The following SPIRE1 variants were observed in gnomAD, a reference collection of about 807,000 sequenced individuals.
SPIRE1 encodes the protein protein spire homolog 1.
SPIRE1 carries 40 observed loss-of-function variants against 94.1 expected under a neutral mutation model. The observed-to-expected ratio is 0.43, with a 90% CI of 0.33 to 0.55. The LOEUF (loss-of-function observed/expected upper bound fraction) is 0.55, where lower values mean the gene tolerates loss of function less well. SPIRE1 is among the 20% of genes least tolerant of loss of function. The pLI, the probability that SPIRE1 is intolerant of heterozygous loss-of-function variation, is 0.06. For synonymous variants in SPIRE1, 376 were observed against 371.7 expected (o/e 1.01, Z -0.13); for missense variants, 838 against 975.2 (o/e 0.86, Z 1.87).
chr18:12,472,914 T>C (rs541197029), intron 10 of SPIRE1, among the ~76,000 whole-genome samples: 18 of 152,160 alleles, frequency 1.2e-4, no homozygotes, highest in Non-Finnish European at 2.4e-4. Flanking sequence ...TGCCTCAGTC[T>C]CCCAAGTAGC....
At chr18:12,531,540 T>C (rs2034681639) in intron 4 of SPIRE1, among the ~76,000 whole-genome samples, 1 of 152,184 alleles carries the variant, frequency 6.6e-6, no homozygotes, top group Admixed American at 6.5e-5. Flanking sequence ...AGGATGAAAA[T>C]GCTGTTATCA....
intron 2 of SPIRE1, among the ~76,000 whole-genome samples, chr18:12,600,291 A>C (rs991943346): frequency 2.0e-5 from 3 of 152,162 alleles, no homozygotes; most frequent in African/African-American, 7.2e-5. Flanking sequence ...CCAGACTCCT[A>C]ACTAACAAAA....
intron 2 of SPIRE1, among the ~76,000 whole-genome samples, chr18:12,630,257 G>C (rs957469997): frequency 6.6e-6 from 1 of 152,166 alleles, no homozygotes; most frequent in African/African-American, 2.4e-5. Context: ...TGTAAGCCTT[G>C]CTTAAGAAGG....
intron 1 of SPIRE1, among the ~76,000 whole-genome samples, chr18:12,652,762 T>C (rs962763630): frequency 1.3e-5 from 2 of 152,260 alleles, no homozygotes; most frequent in Non-Finnish European, 2.9e-5. Flanking sequence ...AGCATATTTC[T>C]ATTTATTTCA....
intron 2 of SPIRE1, among the ~76,000 whole-genome samples, chr18:12,632,121 T>C (rs2037798747): frequency 2.0e-5 from 3 of 151,892 alleles, no homozygotes; most frequent in Admixed American, 1.3e-4. Flanking sequence ...AAAAACTCCA[T>C]GGTACGCTCT....
intron 10 of SPIRE1, among the ~76,000 whole-genome samples, chr18:12,466,591 T>G (rs1056882356): frequency 2.6e-5 from 4 of 152,214 alleles, no homozygotes; most frequent in African/African-American, 9.6e-5. Context: ...ATAGGCATTT[T>G]TAGATACAAA....
intron 8 of SPIRE1, 62 bp from the exon 9 acceptor site, chr18:12,486,062 G>A: frequency 7.1e-6 from 9 of 1,272,696 alleles, no homozygotes; most frequent in Admixed American, 5.4e-5. Flanking sequence ...TATACAGAGA[G>A]GACAAAAAAG....
chr18:12,537,684 A>G (rs914449957), intron 3 of SPIRE1, among the ~76,000 whole-genome samples: 1 of 152,226 alleles, frequency 6.6e-6, no homozygotes, highest in African/African-American at 2.4e-5. Flanking sequence ...CATGATTAAC[A>G]AACAAAATCA....
In SPIRE1 at chr18:12,514,982, A is replaced by C. The variant is rs146299704; in HGVS notation, c.730-2451T>G. On this transcript the variant is annotated intron_variant, in intron 4 of 16. Coordinates refer to ENST00000409402, the MANE Select transcript of SPIRE1 (RefSeq NM_001128626.2). The stretch of plus-strand genomic sequence containing the variant: ...CGCCTGAGAAAATCAAGTACGCATA[A>C]ATGGACCAACCTTCTAACAACCCTC... Among the ~76,000 whole-genome samples the C allele has an allele frequency of 4.6e-5, 7 of 152,276 alleles. No homozygotes were observed. In the East Asian group the frequency reaches 1.2e-3, roughly 25 times the overall value.
At chr18:12,549,416 T>TTTTGTTTG (rs149924382) in intron 2 of SPIRE1, among the ~76,000 whole-genome samples, 1 of 130,808 alleles carries the variant, frequency 7.6e-6, no homozygotes, top group African/African-American at 2.9e-5. Context: ...TTGTTTTGCT[T>TTTTGTTTG]TTTGTTTGTT....
At chr18:12,533,932 T>TACACACACACACACAC (rs10658152) in intron 4 of SPIRE1, among the ~76,000 whole-genome samples, 19 of 144,520 alleles carry the variant, frequency 1.3e-4, no homozygotes, top group African/African-American at 5.0e-4. Context: ...GCTAATCCAT[T>TACACACACACACACAC]ACACACACAC....
At chr18:12,467,727 G>A (rs517382) in intron 10 of SPIRE1, among the ~76,000 whole-genome samples, 26,224 of 152,186 alleles carry the variant, frequency 0.17, 4,270 homozygotes, top group African/African-American at 0.42. Flanking sequence ...TGAGGTGGGC[G>A]GATCACGAGG....
chr18:12,655,871 T>C (rs2038524328), intron 1 of SPIRE1, among the ~76,000 whole-genome samples: 1 of 152,156 alleles, frequency 6.6e-6, no homozygotes, highest in Non-Finnish European at 1.5e-5. Context: ...ATTTTTCCTC[T>C]GGAAATAGCT....
intron 8 of SPIRE1, among the ~76,000 whole-genome samples, chr18:12,492,113 A>C (rs1389806604): frequency 6.6e-6 from 1 of 152,154 alleles, no homozygotes; most frequent in Non-Finnish European, 1.5e-5. Context: ...TGCAATGTAG[A>C]CTGTGAGCTG....
chr18:12,650,921 G>C (rs889766349), intron 1 of SPIRE1, among the ~76,000 whole-genome samples: 1 of 149,382 alleles, frequency 6.7e-6, no homozygotes, highest in Non-Finnish European at 1.5e-5. Flanking sequence ...TCCAATTACA[G>C]CTAAAATCTT....
chr18:12,606,929 A>G (rs1234520916), intron 2 of SPIRE1, among the ~76,000 whole-genome samples: 4 of 152,228 alleles, frequency 2.6e-5, no homozygotes, highest in African/African-American at 9.6e-5. Flanking sequence ...AATGGAATAA[A>G]ACATAATTGT....
intron 12 of SPIRE1, among the ~76,000 whole-genome samples, chr18:12,455,975 C>T (rs1297052203): frequency 6.6e-6 from 1 of 152,226 alleles, no homozygotes; most frequent in Non-Finnish European, 1.5e-5. Flanking sequence ...TGAAGAACTA[C>T]TGCTTCTTAC....
At chr18:12,455,231 C>G (rs1273036594) in intron 12 of SPIRE1, among the ~76,000 whole-genome samples, 1 of 152,186 alleles carries the variant, frequency 6.6e-6, no homozygotes, top group African/African-American at 2.4e-5. Context: ...AGCCACCATG[C>G]CTGGCCTGGC....
intron 2 of SPIRE1, among the ~76,000 whole-genome samples, chr18:12,589,122 A>G (rs940511369): frequency 6.6e-6 from 1 of 152,198 alleles, no homozygotes; most frequent in African/African-American, 2.4e-5. Context: ...ATTATTTATT[A>G]ATGTGAATTA....
Sources: allele counts gnomAD v4.1 joint callset (sites outside exome capture counted in the v4.1 genomes callset), GRCh38; gene constraint gnomAD v4.1.1; transcripts MANE v1.5; gene names NCBI Gene and HGNC (gene_info 2026-07-23, HGNC 2026-07-21).